TNFRSF1B: variants seen among roughly 807,000 people sequenced by gnomAD.
The protein encoded by TNFRSF1B is TNF receptor superfamily member 1B, also known as tumor necrosis factor receptor superfamily member 1B.
In TNFRSF1B, 19 loss-of-function variants were observed where a neutral mutation model predicts 44.6. The observed-to-expected ratio is 0.43, with a 90% CI of 0.30 to 0.62. The LOEUF (loss-of-function observed/expected upper bound fraction) is 0.62. Ranked by LOEUF, TNFRSF1B falls within the 20% of genes least tolerant of loss-of-function variation. The probability of loss-of-function intolerance (pLI) is 0.16; values close to 1 mark genes in which losing one functional copy is unlikely to be tolerated. For synonymous variants in TNFRSF1B, 252 were observed against 261.1 expected (o/e 0.97, Z 0.34); for missense variants, 541 against 619.9 (o/e 0.87, Z 1.35).
intron 1 of TNFRSF1B, among the ~76,000 whole-genome samples, chr1:12,173,116 C>T (rs1638558372): frequency 6.6e-6 from 1 of 152,160 alleles, no homozygotes; most frequent in Non-Finnish European, 1.5e-5. Flanking sequence ...TCACAGTTCC[C>T]ATCTGAGCAC....
rs748492628 is a variant in TNFRSF1B at position 12,180,102 on chromosome 1, G to T, written c.79-8694G>T. Among the ~76,000 whole-genome samples, 2 of 151,908 alleles carry T rather than the reference G, an allele frequency of 1.3e-5. No homozygotes were observed. The highest frequency in any genetic ancestry group is 4.8e-5 in the African/African-American group (2 of 41,350). ...GCTGGGAGCATGACCTCTTCCCAAG[G>T]GTACGGCATCTAAAAGGGATCTCCG... On this transcript the variant is annotated intron_variant, in intron 1 of 9. Transcript: ENST00000376259. This position sits in a 1 kb window ranked among gnomAD's most constrained non-coding sequence, Gnocchi z 4.3.
chr1:12,167,867 G>C (rs1638431182), intron 1 of TNFRSF1B, among the ~76,000 whole-genome samples: 1 of 152,170 alleles, frequency 6.6e-6, no homozygotes, highest in African/African-American at 2.4e-5. Context: ...AGTCTCCGGG[G>C]GCCGCAGGAA....
chr1:12,176,141 C>T (rs1012780791), intron 1 of TNFRSF1B, among the ~76,000 whole-genome samples: 3 of 152,110 alleles, frequency 2.0e-5, no homozygotes, highest in Non-Finnish European at 4.4e-5. Flanking sequence ...ATCACTTGAA[C>T]CCCAGAGGCG....
chr1:12,205,788 A>AT lies in TNFRSF1B; in HGVS notation c.1106-941dup, dbSNP rs3078840. Among the ~76,000 whole-genome samples, 301 of 147,604 alleles carry AT rather than the reference A, an allele frequency of 2.0e-3. 3 individuals are homozygous for AT. Among genetic ancestry groups the AT allele is most frequent in the African/African-American group, 6.2e-3 (252 of 40,446 alleles). On this transcript the variant is annotated intron_variant, in intron 9 of 9. Coordinates refer to ENST00000376259, the MANE Select transcript of TNFRSF1B (RefSeq NM_001066.3). Reference sequence around the variant, plus strand: ...AGGCACCTGCCACCATACCCGGCTAATTTTTTTTTTTGTATTTTGAGTAGA... The same window carrying AT: ...AGGCACCTGCCACCATACCCGGCTAATTTTTTTTTTTTGTATTTTGAGTAGA...
intron 1 of TNFRSF1B, among the ~76,000 whole-genome samples, chr1:12,181,938 G>C (rs1006674625): frequency 6.6e-6 from 1 of 152,188 alleles, no homozygotes; most frequent in Admixed American, 6.5e-5. Flanking sequence ...ACCCAGGGCT[G>C]GTCCTTTTGC....
At chr1:12,206,641 G>C (rs1639508698) in intron 9 of TNFRSF1B, 99 bp from the exon 10 acceptor site, 2 of 1,346,872 alleles carry the variant, frequency 1.5e-6, no homozygotes, top group African/African-American at 2.9e-5. Flanking sequence ...CTGGCCCAGT[G>C]CTCTTTCCCA....
Position 12,168,102 on chromosome 1 carries a change from A to G in TNFRSF1B, c.78+933A>G, listed in dbSNP as rs780891672. Among the ~76,000 whole-genome samples, 2 of 152,230 alleles carry G rather than the reference A, an allele frequency of 1.3e-5. No homozygotes were observed. Among genetic ancestry groups the G allele is most frequent in the Non-Finnish European group, 2.9e-5 (2 of 68,034 alleles). On this transcript the variant is annotated intron_variant, in intron 1 of 9. Transcript: ENST00000376259. The surrounding 1 kb of genome is among the most constrained non-coding windows in gnomAD (Gnocchi z 4.7). ...CTGAGGCTCAGAGAACTTGTATTTCATGGAAGGGTCTGGGGGGAACTCTTC... is the reference window on the plus strand; with the variant it reads ...CTGAGGCTCAGAGAACTTGTATTTCGTGGAAGGGTCTGGGGGGAACTCTTC...
chr1:12,167,372 G>T (rs940084416), intron 1 of TNFRSF1B: 9 of 405,600 alleles, frequency 2.2e-5, no homozygotes, highest in African/African-American at 1.9e-4. Context: ...GCACACGTGC[G>T]CTCGGGGCAC....
intron 1 of TNFRSF1B, among the ~76,000 whole-genome samples, chr1:12,183,748 TCTAGCTAGCTAGCTAGCTAGCTA>T (rs1435386882): frequency 2.2e-4 from 26 of 117,018 alleles, no homozygotes; most frequent in East Asian, 7.5e-4. Flanking sequence ...TATCTATCTA[TCTAGCTAGCTAGCTAGCTAGCTA>T]TCTATTCTAT....
chr1:12,191,566 CGGGACTGCGGAGAGT>C, intron 3 of TNFRSF1B, 193 bp from the exon 4 acceptor site: 1 of 640,942 alleles, frequency 1.6e-6, no homozygotes, highest in African/African-American at 2.0e-5. Flanking sequence ...CGGAGAGTAG[CGGGACTGCGGAGAGT>C]AGCGGGACTG....
At chr1:12,175,926 G>A (rs1305904536) in intron 1 of TNFRSF1B, among the ~76,000 whole-genome samples, 1 of 151,950 alleles carries the variant, frequency 6.6e-6, no homozygotes, top group Non-Finnish European at 1.5e-5. Context: ...AAGAATATTA[G>A]GGGACAGGCC....
chr1:12,206,248 C>T (rs1639499773), intron 9 of TNFRSF1B, among the ~76,000 whole-genome samples: 1 of 151,822 alleles, frequency 6.6e-6, no homozygotes, highest in Non-Finnish European at 1.5e-5. Context: ...GGTGCGGTGG[C>T]CTGTAGTCCC....
chr1:12,183,232 G>A (rs1000973562), intron 1 of TNFRSF1B, among the ~76,000 whole-genome samples: 22 of 152,174 alleles, frequency 1.4e-4, no homozygotes, highest in African/African-American at 5.3e-4. Flanking sequence ...CAGAGACTGT[G>A]GGTGGGCCCT....
Position 12,199,651 on chromosome 1 carries a change from C to A in TNFRSF1B, c.901-2316C>A, listed in dbSNP as rs1415378563. Among the ~76,000 whole-genome samples the A allele has an allele frequency of 6.6e-6, 1 of 152,118 alleles. No individual in the cohort carries two copies. Among genetic ancestry groups the A allele is most frequent in the East Asian group, 1.9e-4 (1 of 5,172 alleles). On this transcript the variant is annotated intron_variant, in intron 8 of 9. Transcript: ENST00000376259. This position sits in a 1 kb window ranked among gnomAD's most constrained non-coding sequence, Gnocchi z 4.0. The stretch of plus-strand genomic sequence containing the variant: ...CCTGGTACTCGCATCTGTTCTCAGA[C>A]CACATCTGGAATTGTAGCTCCCTCT...
chr1:12,172,533 C>T (rs951012485), intron 1 of TNFRSF1B, among the ~76,000 whole-genome samples: 62 of 152,216 alleles, frequency 4.1e-4, no homozygotes, highest in African/African-American at 1.4e-3. Flanking sequence ...TAGGTGGGGA[C>T]CCCTGTGGAG....
In TNFRSF1B at chr1:12,187,129, C is replaced by G. The variant is rs1194750381; in HGVS notation, c.79-1667C>G. Among the ~76,000 whole-genome samples, 3 of 151,722 alleles carry G rather than the reference C, an allele frequency of 2.0e-5. No individual in the cohort carries two copies. The highest frequency in any genetic ancestry group is 7.3e-5 in the African/African-American group (3 of 41,310). ...TCCAGGGCTGTAGCTTCTCTGGGTGCCTTTGCTTTTCTCTTTTCTCCCCTC... is the reference window on the plus strand; with the variant it reads ...TCCAGGGCTGTAGCTTCTCTGGGTGGCTTTGCTTTTCTCTTTTCTCCCCTC... On this transcript the variant is annotated intron_variant, in intron 1 of 9. Transcript: ENST00000376259. This position sits in a 1 kb window ranked among gnomAD's most constrained non-coding sequence, Gnocchi z 5.5.
Position 12,193,094 on chromosome 1 carries a change from AGT to A in TNFRSF1B, c.784_785del (p.Val262TrpfsTer45), listed in dbSNP as rs772890535. The A allele has an allele frequency of 6.2e-7, 1 of 1,612,498 alleles. No homozygotes were observed. Among genetic ancestry groups the A allele is most frequent in the Non-Finnish European group, 8.5e-7 (1 of 1,178,974 alleles). Reference protein sequence around the residue: ...EGSTGDFALPVGLIVGVTALG... With the variant: ...EGSTGDFALPXGLIVGVTALG... ...GGAGCACTGGCGACTTCGCTCTTCC[AGT>A]TGGTAAGTCGCAAGAAGTCTCATTC... On this transcript the variant is annotated frameshift_variant and splice_region_variant, in exon 6 of 10. Coordinates refer to ENST00000376259, the MANE Select transcript of TNFRSF1B (RefSeq NM_001066.3). LOFTEE classifies it high-confidence loss of function.
intron 3 of TNFRSF1B, 129 bp from the exon 4 acceptor site, chr1:12,191,645 G>T: frequency 8.8e-7 from 1 of 1,141,812 alleles, no homozygotes; most frequent in Non-Finnish European, 1.3e-6. Context: ...GGTGTTGTGT[G>T]TGCCCCATGC....
Position 12,180,881 on chromosome 1 carries a change from C to G in TNFRSF1B, c.79-7915C>G. Among the ~76,000 whole-genome samples the G allele has an allele frequency of 6.6e-6, 1 of 152,168 alleles. No homozygotes were observed. Among genetic ancestry groups the G allele is most frequent in the Non-Finnish European group, 1.5e-5 (1 of 68,028 alleles). On this transcript the variant is annotated intron_variant, in intron 1 of 9. Transcript: ENST00000376259. This position sits in a 1 kb window ranked among gnomAD's most constrained non-coding sequence, Gnocchi z 4.3. ...ACAGACCCCGGCCCCTGGGTTTTGTCCACTCACCCAGACTCTGTTTTGGGG... is the reference window on the plus strand; with the variant it reads ...ACAGACCCCGGCCCCTGGGTTTTGTGCACTCACCCAGACTCTGTTTTGGGG...
Sources: allele counts gnomAD v4.1 joint callset (sites outside exome capture counted in the v4.1 genomes callset), GRCh38; gene constraint gnomAD v4.1.1; non-coding constraint Gnocchi (gnomAD v3.1); transcripts MANE v1.5; gene names NCBI Gene and HGNC (gene_info 2026-07-23, HGNC 2026-07-21).